The following UBE3C variants were observed in gnomAD, a reference collection of about 807,000 sequenced individuals.
UBE3C encodes the protein ubiquitin protein ligase E3C.
Under a neutral mutation model 129.4 loss-of-function variants are expected in UBE3C, and 42 were observed. That is an observed-to-expected ratio of 0.32 (90% CI 0.25 to 0.42). The LOEUF (loss-of-function observed/expected upper bound fraction) is 0.42. Ranked by LOEUF, UBE3C falls within the 10% of genes least tolerant of loss-of-function variation. UBE3C has a pLI of 1.00. For missense variants in UBE3C, 1,049 were observed against 1,319.1 expected (o/e 0.80, Z 3.17); for synonymous variants, 510 against 492.4 (o/e 1.04, Z -0.47).
chr7:157,197,486 T>C, intron 10 of UBE3C: 3 of 775,918 alleles, frequency 3.9e-6, no homozygotes, highest in Admixed American at 6.5e-5. Flanking sequence ...AAAATTTATC[T>C]GTAAAAATAA....
At chr7:157,224,258 G>C (rs753411976) in intron 16 of UBE3C, among the ~76,000 whole-genome samples, 4 of 151,908 alleles carry the variant, frequency 2.6e-5, no homozygotes, top group Non-Finnish European at 4.4e-5. Flanking sequence ...GCAGAGGCGC[G>C]ATCTTGGCTC....
intron 22 of UBE3C, among the ~76,000 whole-genome samples, chr7:157,261,369 C>A (rs1228883976): frequency 6.7e-6 from 1 of 149,764 alleles, no homozygotes; most frequent in Non-Finnish European, 1.5e-5. Flanking sequence ...GAAAATCCTA[C>A]CCCAGTCAAG....
At chr7:157,199,967 ATT>A in intron 10 of UBE3C, among the ~76,000 whole-genome samples, 1 of 152,220 alleles carries the variant, frequency 6.6e-6, no homozygotes, top group African/African-American at 2.4e-5. Flanking sequence ...CCCGTTTGAG[ATT>A]CTGCTCTTAC....
At chr7:157,203,282 T>A (rs1199151175) in intron 11 of UBE3C, among the ~76,000 whole-genome samples, 1 of 152,260 alleles carries the variant, frequency 6.6e-6, no homozygotes, top group East Asian at 1.9e-4. Flanking sequence ...AAGTGAGTTA[T>A]CTTGCATCAA....
intron 15 of UBE3C, 77 bp from the exon 16 acceptor site, chr7:157,223,177 C>A (rs758022270): frequency 6.9e-7 from 1 of 1,439,398 alleles, no homozygotes; most frequent in African/African-American, 1.4e-5. Context: ...TTTCAAGAAT[C>A]TTCACCTTAA....
intron 4 of UBE3C, among the ~76,000 whole-genome samples, chr7:157,173,710 G>A (rs1774008228): frequency 6.6e-6 from 1 of 152,104 alleles, no homozygotes; most frequent in African/African-American, 2.4e-5. Flanking sequence ...ATTATATAAT[G>A]TATAGTTATT....
intron 3 of UBE3C, 38 bp from the exon 4 acceptor site, chr7:157,170,266 C>A: frequency 7.1e-7 from 1 of 1,418,092 alleles, no homozygotes; most frequent in South Asian, 1.7e-5. Flanking sequence ...TGTCCAAATA[C>A]TATATTTATG....
At chr7:157,140,333 G>C (rs933028363) in intron 1 of UBE3C, among the ~76,000 whole-genome samples, 1 of 152,186 alleles carries the variant, frequency 6.6e-6, no homozygotes, top group East Asian at 1.9e-4. Flanking sequence ...GTGCTGTGGG[G>C]CTGTGTTTGG....
At chr7:157,149,794 A>G (rs1408495010) in intron 1 of UBE3C, among the ~76,000 whole-genome samples, 1 of 152,192 alleles carries the variant, frequency 6.6e-6, no homozygotes, top group Non-Finnish European at 1.5e-5. Context: ...TAATTCTTCT[A>G]TTATAGAATG....
intron 19 of UBE3C, among the ~76,000 whole-genome samples, chr7:157,252,834 A>G (rs1274347885): frequency 6.6e-6 from 1 of 152,240 alleles, no homozygotes; most frequent in Non-Finnish European, 1.5e-5. Context: ...GGCTTATTTT[A>G]TATTTTCATT....
At chr7:157,172,449 C>G (rs1433661335) in intron 4 of UBE3C, among the ~76,000 whole-genome samples, 1 of 152,178 alleles carries the variant, frequency 6.6e-6, no homozygotes, top group African/African-American at 2.4e-5. Flanking sequence ...CAAACCATCC[C>G]TACTAGAATG....
At chr7:157,246,667 A>G (rs1050157067) in intron 18 of UBE3C, among the ~76,000 whole-genome samples, 2 of 152,098 alleles carry the variant, frequency 1.3e-5, no homozygotes, top group African/African-American at 4.8e-5. Context: ...TCCAGCCTTC[A>G]CCTTCCCTCT....
intron 4 of UBE3C, among the ~76,000 whole-genome samples, chr7:157,172,085 T>C (rs1477865813): frequency 6.7e-6 from 1 of 149,812 alleles, no homozygotes; most frequent in Non-Finnish European, 1.5e-5. Flanking sequence ...CAGGCTGGAG[T>C]GTAGTGGTGC....
intron 17 of UBE3C, among the ~76,000 whole-genome samples, chr7:157,227,641 A>T (rs969651044): frequency 6.6e-6 from 1 of 151,614 alleles, no homozygotes; most frequent in Non-Finnish European, 1.5e-5. Context: ...CGGAGGTTGC[A>T]GTGAGCCGAG....
intron 3 of UBE3C, 82 bp from the exon 4 acceptor site, chr7:157,170,222 C>A: frequency 5.3e-6 from 6 of 1,126,540 alleles, no homozygotes; most frequent in Non-Finnish European, 5.7e-6. Context: ...TTCCTGTAAA[C>A]ACAGCAACGT....
chr7:157,143,826 G>A (rs751226917), intron 1 of UBE3C, among the ~76,000 whole-genome samples: 6 of 152,118 alleles, frequency 3.9e-5, no homozygotes, highest in African/African-American at 4.8e-5. Flanking sequence ...TGGTGGCTTC[G>A]AACACAGGTC....
chr7:157,148,803 T>C (rs1002677446), intron 1 of UBE3C, among the ~76,000 whole-genome samples: 3 of 143,468 alleles, frequency 2.1e-5, no homozygotes, highest in African/African-American at 7.8e-5. Flanking sequence ...CAGTAGCTAT[T>C]CACAGGCATG....
At chr7:157,243,871 T>C (rs1458392723) in intron 18 of UBE3C, among the ~76,000 whole-genome samples, 9 of 152,168 alleles carry the variant, frequency 5.9e-5, no homozygotes, top group Non-Finnish European at 1.3e-4. Context: ...TGACATATAG[T>C]TGGCACTTAA....
intron 10 of UBE3C, among the ~76,000 whole-genome samples, chr7:157,188,027 A>G (rs1808859302): frequency 6.6e-6 from 1 of 152,232 alleles, no homozygotes; most frequent in Non-Finnish European, 1.5e-5. Context: ...AATTGTGACA[A>G]TAATCTTGAA....
Sources: gnomAD v4.1 joint callset for allele counts (sites outside exome capture counted in the v4.1 genomes callset) on GRCh38, gnomAD v4.1.1 for gene constraint, MANE v1.5 for transcripts, NCBI Gene and HGNC (gene_info 2026-07-23, HGNC 2026-07-21) for gene names.